Variants in DIP2A observed in about 807,000 individuals in gnomAD.
The protein encoded by DIP2A is DIP2 acetate--CoA ligase A.
Under a neutral mutation model 177.4 loss-of-function variants are expected in DIP2A, and 85 were observed. The observed-to-expected ratio is 0.48, with a 90% confidence interval of 0.40 to 0.57. The LOEUF (loss-of-function observed/expected upper bound fraction) is 0.57. Among genes scored for constraint, DIP2A ranks in the 20% least tolerant of loss-of-function variants. The pLI is 0.00. For missense variants in DIP2A, 1,791 were observed against 2,100.2 expected (o/e 0.85, Z 2.88); for synonymous variants, 886 against 881.8 (o/e 1.00, Z -0.08).
chr21:46,527,177 CTT>C (rs1404210912), intron 8 of DIP2A, among the ~76,000 whole-genome samples: 2 of 152,106 alleles, frequency 1.3e-5, no homozygotes, highest in Non-Finnish European at 2.9e-5. Flanking sequence ...TGTTGAACCT[CTT>C]TGCATTCCTG....
At position 46,459,121 on chromosome 21, in the gene DIP2A, C is replaced by G; in HGVS notation, c.-11C>G. On this transcript the variant is annotated 5_prime_UTR_variant, in exon 1 of 38. Transcript: ENST00000417564. Reference sequence around the variant, plus strand: ...GTTCCAGCCTCTGCCCGGACGCTAGCCGGCCTGGCCATGGCTGACCGCGGG... The same window carrying G: ...GTTCCAGCCTCTGCCCGGACGCTAGGCGGCCTGGCCATGGCTGACCGCGGG... 6.7e-7 allele frequency: 1 copy of G among 1,485,408 alleles called. No individual in the cohort carries two copies. Among genetic ancestry groups the G allele is most frequent in the Non-Finnish European group, 8.9e-7 (1 of 1,120,628 alleles). The allele number at this position is 1,485,408 out of a possible 1,614,324, so 92.0% of individuals were successfully genotyped here. A position where few individuals can be genotyped will look rare whatever the true frequency, so the allele number is the denominator to read the frequency against.
intron 8 of DIP2A, among the ~76,000 whole-genome samples, chr21:46,516,490 T>C (rs2058583075): frequency 2.7e-5 from 3 of 109,246 alleles, no homozygotes; most frequent in African/African-American, 9.4e-5. Flanking sequence ...TGAAATTTCT[T>C]TTTTTTTTTT....
chr21:46,561,361 G>A (rs962820230), intron 33 of DIP2A: 5 of 352,204 alleles, frequency 1.4e-5, no homozygotes, highest in Non-Finnish European at 2.7e-5. Context: ...GTGGTCAGAT[G>A]TGTATCAGGG....
chr21:46,566,627 C>T lies in DIP2A; in HGVS notation c.4407C>T (p.Tyr1469=). Residue 1469 remains tyrosine, a synonymous_variant, in exon 37 of 38, where the codon TAC becomes TAT. Coordinates refer to ENST00000417564, the MANE Select transcript of DIP2A (RefSeq NM_015151.4). The part of the protein sequence containing the change: ...DETLELRGMR[Y]HPIDIETSVI... The stretch of plus-strand genomic sequence containing the variant: ...CTCTGGAGCTCAGAGGCATGCGGTA[C>T]CACCCCATCGACATTGAGACCTCTG... The T allele has an allele frequency of 6.2e-7, 1 of 1,614,202 alleles. No individual in the cohort carries two copies. Among genetic ancestry groups the T allele is most frequent in the Non-Finnish European group, 8.5e-7 (1 of 1,180,026 alleles).
At chr21:46,512,122 C>T (rs1479832399) in intron 8 of DIP2A, among the ~76,000 whole-genome samples, 1 of 152,084 alleles carries the variant, frequency 6.6e-6, no homozygotes, top group Non-Finnish European at 1.5e-5. Context: ...GTTGGCTTTA[C>T]CTGCCTTTAA....
intron 8 of DIP2A, among the ~76,000 whole-genome samples, chr21:46,518,168 A>G (rs1601629516): frequency 6.6e-6 from 1 of 152,230 alleles, no homozygotes; most frequent in African/African-American, 2.4e-5. Context: ...GCTGGAATAC[A>G]TGGGCTGTAT....
intron 1 of DIP2A, among the ~76,000 whole-genome samples, chr21:46,471,552 T>C (rs1016878732): frequency 1.4e-4 from 21 of 152,370 alleles, no homozygotes; most frequent in African/African-American, 5.0e-4. Context: ...TTAAATTAGC[T>C]GACATTTTCA....
chr21:46,573,745 T>TAAAAAATG (rs1349603113), downstream of DIP2A, among the ~76,000 whole-genome samples: 2 of 122,624 alleles, frequency 1.6e-5, no homozygotes, highest in East Asian at 4.6e-4. Flanking sequence ...ATAGTTTAAA[T>TAAAAAATG]AAAAAATGAT....
chr21:46,521,758 C>A (rs1040007371), intron 8 of DIP2A, among the ~76,000 whole-genome samples: 4 of 152,240 alleles, frequency 2.6e-5, no homozygotes, highest in African/African-American at 9.6e-5. Flanking sequence ...TAACTTTAGG[C>A]CAGTGTGTTC....
At position 46,549,787 on chromosome 21, in the gene DIP2A, G is replaced by C. The variant is rs751195812; in HGVS notation, c.2539G>C (p.Val847Leu). The change falls in exon 22 of 38, where the codon GTG becomes CTG. Residue 847 changes from valine (V) to leucine (L), a missense_variant. By Grantham distance (32) the Val-to-Leu change is conservative. Transcript: ENST00000417564. Reference protein sequence around the residue: ...VYRGRIAVFSVTVLHDDRIVL... With the variant: ...VYRGRIAVFSLTVLHDDRIVL... Reference sequence around the variant, plus strand: ...ATCCCGCAGGATCGCTGTGTTCTCTGTGACCGTGCTGCACGACGACCGGAT... The same window carrying C: ...ATCCCGCAGGATCGCTGTGTTCTCTCTGACCGTGCTGCACGACGACCGGAT... 5.1e-5 allele frequency: 82 copies of C among 1,613,676 alleles called. 1 individual carries two copies. Among genetic ancestry groups the C allele is most frequent in the Non-Finnish European group, 5.0e-5 (59 of 1,180,044 alleles).
At chr21:46,477,720 C>T (rs947028721) in intron 1 of DIP2A, among the ~76,000 whole-genome samples, 89 of 148,578 alleles carry the variant, frequency 6.0e-4, no homozygotes, top group African/African-American at 2.1e-3. Context: ...ATTACAGGAA[C>T]GCACCATCAC....
chr21:46,480,906 G>GGAGTCACCCAGCTGCT, intron 1 of DIP2A, among the ~76,000 whole-genome samples: 1 of 152,112 alleles, frequency 6.6e-6, no homozygotes, highest in East Asian at 1.9e-4. Flanking sequence ...GGTCCATTGT[G>GGAGTCACCCAGCTGCT]GAGTCACCCA....
At chr21:46,507,607 C>A (rs1234556266) in intron 6 of DIP2A, among the ~76,000 whole-genome samples, 2 of 151,052 alleles carry the variant, frequency 1.3e-5, no homozygotes, top group Non-Finnish European at 2.9e-5. Flanking sequence ...CCTCGTATAG[C>A]CATGACCACT....
intron 18 of DIP2A, among the ~76,000 whole-genome samples, chr21:46,544,587 G>T (rs887441693): frequency 2.7e-4 from 41 of 152,320 alleles, no homozygotes; most frequent in African/African-American, 9.9e-4. Flanking sequence ...TGGAAGTTAG[G>T]CAGAACTTAA....
chr21:46,492,876 G>A (rs1874885243), intron 3 of DIP2A, among the ~76,000 whole-genome samples: 1 of 151,756 alleles, frequency 6.6e-6, no homozygotes, highest in East Asian at 1.9e-4. Flanking sequence ...GTAGGTGGAG[G>A]TTGCAGTGAG....
intron 4 of DIP2A, among the ~76,000 whole-genome samples, chr21:46,497,724 G>T (rs1239762035): frequency 6.6e-6 from 1 of 152,104 alleles, no homozygotes; most frequent in Admixed American, 6.5e-5. Flanking sequence ...ATCAAAAATA[G>T]TGACACCCAT....
chr21:46,564,475 G>A (rs1037256931), intron 35 of DIP2A, among the ~76,000 whole-genome samples: 1 of 152,160 alleles, frequency 6.6e-6, no homozygotes, highest in Non-Finnish European at 1.5e-5. Flanking sequence ...TGTATTGCAC[G>A]TACATCTTGC....
At chr21:46,560,629 G>A in intron 32 of DIP2A, 93 bp from the exon 33 acceptor site, 3 of 1,512,664 alleles carry the variant, frequency 2.0e-6, no homozygotes, top group Middle Eastern at 1.7e-4. Flanking sequence ...TGTCCCCGGG[G>A]GCCAGGGAGG....
chr21:46,557,711 G>A lies in DIP2A; in HGVS notation c.3756G>A (p.Glu1252=), dbSNP rs749277121. ...RVTFCSYSVM[E]MCTKGLGAQT... is the part of the protein sequence containing the mutation. ...CCTTCTGCTCCTACTCTGTGATGGA[G>A]ATGTGCACCAAGGGCCTAGGCGCAC... is the stretch of plus-strand genomic sequence containing the variant. The change falls in exon 31 of 38, where the codon GAG becomes GAA. Residue 1252 remains glutamate, a synonymous_variant. Coordinates refer to ENST00000417564, the MANE Select transcript of DIP2A (RefSeq NM_015151.4). The surrounding 1 kb of genome is among the most constrained non-coding windows in gnomAD (Gnocchi z 6.0). The A allele has an allele frequency of 2.5e-6, 4 of 1,613,300 alleles. No individual in the cohort carries two copies. The highest frequency in any genetic ancestry group is 1.3e-5 in the African/African-American group (1 of 74,944).
Sources: allele counts gnomAD v4.1 joint callset (sites outside exome capture counted in the v4.1 genomes callset), GRCh38; gene constraint gnomAD v4.1.1; non-coding constraint Gnocchi (gnomAD v3.1); transcripts MANE v1.5; gene names NCBI Gene and HGNC (gene_info 2026-07-23, HGNC 2026-07-21).